The following CSMD1 variants were observed in gnomAD, a reference collection of about 807,000 sequenced individuals.
CSMD1 encodes CUB and Sushi multiple domains 1.
In CSMD1, 213 loss-of-function variants were observed where a neutral mutation model predicts 417.5. That is an observed-to-expected ratio of 0.51 (90% CI 0.46 to 0.57). The LOEUF is 0.57. Among genes scored for constraint, CSMD1 ranks in the 20% least tolerant of loss-of-function variants. The probability of loss-of-function intolerance (pLI) is 0.00; values close to 1 mark genes in which losing one functional copy is unlikely to be tolerated. For missense variants in CSMD1, 6,923 were observed against 4,529.7 expected (o/e 1.53, Z -15.17); for synonymous variants, 2,862 against 1,736.8 (o/e 1.65, Z -16.11).
At chr8:3,439,144 AAAAAAAAACCAAG>A (rs1814776067) in intron 12 of CSMD1, among the ~76,000 whole-genome samples, 2 of 130,918 alleles carry the variant, frequency 1.5e-5, no homozygotes, top group African/African-American at 6.4e-5. Flanking sequence ...AAAAAAAAAA[AAAAAAAAACCAAG>A]AAAAAAAAAA....
intron 1 of CSMD1, among the ~76,000 whole-genome samples, chr8:4,724,727 C>G (rs150845396): frequency 1.4e-4 from 22 of 152,148 alleles, no homozygotes; most frequent in African/African-American, 5.3e-4. Context: ...TAAGATTAAT[C>G]AACGATTAGC....
chr8:4,640,849 C>A (rs1482014217), intron 1 of CSMD1, among the ~76,000 whole-genome samples: 2 of 123,020 alleles, frequency 1.6e-5, no homozygotes, highest in African/African-American at 3.4e-5. Context: ...GGGATTGAAA[C>A]CTTAATTATT....
intron 43 of CSMD1, 35 bp downstream of exon 43, chr8:3,110,123 A>T (rs760083295): frequency 1.4e-5 from 22 of 1,549,184 alleles, no homozygotes; most frequent in African/African-American, 1.4e-5. Flanking sequence ...TGTTGATCAC[A>T]ATTACAGATA....
At chr8:4,786,302 T>G (rs528730989) in intron 1 of CSMD1, among the ~76,000 whole-genome samples, 117 of 152,334 alleles carry the variant, frequency 7.7e-4, no homozygotes, top group Middle Eastern at 6.8e-3. Context: ...TAAACACTCC[T>G]ACAACCAGGT....
At chr8:3,172,771 G>A (rs1820662407) in intron 37 of CSMD1, among the ~76,000 whole-genome samples, 1 of 152,188 alleles carries the variant, frequency 6.6e-6, no homozygotes, top group African/African-American at 2.4e-5. Context: ...TCTCCCATGA[G>A]GCACAAGGGC....
intron 9 of CSMD1, among the ~76,000 whole-genome samples, chr8:3,575,851 T>G (rs894650340): frequency 6.6e-5 from 10 of 152,128 alleles, no homozygotes; most frequent in Non-Finnish European, 1.0e-4. Flanking sequence ...GGAGTTTTTT[T>G]TTTTTTAAAT....
intron 5 of CSMD1, among the ~76,000 whole-genome samples, chr8:3,913,625 G>C (rs1029863771): frequency 6.6e-6 from 1 of 152,214 alleles, no homozygotes; most frequent in East Asian, 1.9e-4. Flanking sequence ...ACTTAGGGAA[G>C]TGGTGGAGTC....
intron 3 of CSMD1, among the ~76,000 whole-genome samples, chr8:4,348,025 G>GA (rs1400781067): frequency 6.6e-6 from 1 of 151,874 alleles, no homozygotes; most frequent in Non-Finnish European, 1.5e-5. Flanking sequence ...GCATAAAGAG[G>GA]AAAAAAACAG....
chr8:3,734,817 G>C (rs1235830491), intron 6 of CSMD1, among the ~76,000 whole-genome samples: 1 of 152,176 alleles, frequency 6.6e-6, no homozygotes. Context: ...CCGTGACGGG[G>C]ATACCTTCCT....
intron 3 of CSMD1, among the ~76,000 whole-genome samples, chr8:4,063,056 A>C (rs540888537): frequency 1.3e-5 from 2 of 152,300 alleles, no homozygotes; most frequent in East Asian, 3.9e-4. Flanking sequence ...AATAGGGATA[A>C]ATATATGAGA....
intron 1 of CSMD1, among the ~76,000 whole-genome samples, chr8:4,912,721 C>G (rs1277850704): frequency 2.0e-5 from 3 of 152,158 alleles, no homozygotes; most frequent in Admixed American, 1.3e-4. Context: ...GAATAACCAC[C>G]AGTGACTTTC....
At chr8:4,396,182 C>T (rs1418028718) in intron 3 of CSMD1, among the ~76,000 whole-genome samples, 2 of 151,970 alleles carry the variant, frequency 1.3e-5, no homozygotes, top group Non-Finnish European at 1.5e-5. Flanking sequence ...ATAACATTTC[C>T]AGTTGGGCAC....
chr8:3,811,782 G>A (rs1342972258), intron 5 of CSMD1, among the ~76,000 whole-genome samples: 2 of 152,006 alleles, frequency 1.3e-5, no homozygotes, highest in Non-Finnish European at 2.9e-5. Context: ...GAGAGATGAG[G>A]AGAATCAGTG....
intron 5 of CSMD1, among the ~76,000 whole-genome samples, chr8:3,933,593 G>A (rs1259901151): frequency 1.3e-5 from 2 of 152,110 alleles, no homozygotes; most frequent in African/African-American, 2.4e-5. Flanking sequence ...GGAGTGTGTA[G>A]AACTGTTAAG....
chr8:3,256,309 G>GGAA (rs1554487804), intron 26 of CSMD1, among the ~76,000 whole-genome samples: 5 of 81,438 alleles, frequency 6.1e-5, no homozygotes, highest in African/African-American at 2.5e-4. Context: ...TAAGTCTCAA[G>GGAA]AAAAAAAAAA....
chr8:3,946,893 C>T (rs996487379), intron 5 of CSMD1, among the ~76,000 whole-genome samples: 1 of 152,094 alleles, frequency 6.6e-6, no homozygotes, highest in Non-Finnish European at 1.5e-5. Flanking sequence ...ATATTGTGAT[C>T]TCAAACCATG....
At chr8:3,890,671 G>A (rs1051935284) in intron 5 of CSMD1, among the ~76,000 whole-genome samples, 5 of 152,084 alleles carry the variant, frequency 3.3e-5, no homozygotes, top group African/African-American at 7.2e-5. Context: ...TAATAAAACC[G>A]ATTACTCCAA....
At chr8:3,388,387 G>C (rs1231224180) in intron 17 of CSMD1, among the ~76,000 whole-genome samples, 2 of 151,924 alleles carry the variant, frequency 1.3e-5, no homozygotes, top group Admixed American at 6.6e-5. Context: ...TATATTTTAA[G>C]AGCTAAGGAA....
intron 26 of CSMD1, among the ~76,000 whole-genome samples, chr8:3,248,892 C>G (rs540542668): frequency 3.4e-4 from 52 of 152,162 alleles, no homozygotes; most frequent in African/African-American, 1.2e-3. Flanking sequence ...TCCCGCAGCT[C>G]TATGATAAAT....
Sources: gnomAD v4.1 joint callset for allele counts (sites outside exome capture counted in the v4.1 genomes callset) on GRCh38, gnomAD v4.1.1 for gene constraint, MANE v1.5 for transcripts, NCBI Gene and HGNC (gene_info 2026-07-23, HGNC 2026-07-21) for gene names.